KCNH8: variants seen among roughly 807,000 people sequenced by gnomAD.
The protein encoded by KCNH8 is voltage-gated delayed rectifier potassium channel KCNH8.
In KCNH8, 70 loss-of-function variants were observed where a neutral mutation model predicts 103.6. The ratio of observed to expected loss-of-function variants is 0.68; its 90% confidence interval spans 0.56 to 0.82. KCNH8 has a LOEUF of 0.82. Among genes scored for constraint, KCNH8 ranks in the 40% least tolerant of loss-of-function variants. The pLI, the probability that KCNH8 is intolerant of heterozygous loss-of-function variation, is 0.00. For synonymous variants in KCNH8, 498 were observed against 489.4 expected, an observed-to-expected ratio of 1.02 and a Z score of -0.23; for missense variants, 1,217 against 1,329.9, an observed-to-expected ratio of 0.92 and a Z score of 1.32.
intron 1 of KCNH8, among the ~76,000 whole-genome samples, chr3:19,211,941 G>A (rs2063775556): frequency 6.6e-6 from 1 of 152,156 alleles, no homozygotes; most frequent in African/African-American, 2.4e-5. Flanking sequence ...CTGAATTTGG[G>A]AGAACACTGA....
intron 11 of KCNH8, among the ~76,000 whole-genome samples, chr3:19,478,279 C>T (rs1390684156): frequency 6.6e-6 from 1 of 151,730 alleles, no homozygotes; most frequent in African/African-American, 2.4e-5. Flanking sequence ...TAATGATTTC[C>T]TGCCCTCTCG....
intron 1 of KCNH8, among the ~76,000 whole-genome samples, chr3:19,238,565 A>C (rs2064094236): frequency 6.6e-6 from 1 of 152,238 alleles, no homozygotes; most frequent in African/African-American, 2.4e-5. Context: ...CTGAGGAAAT[A>C]CATTTTGCTT....
At chr3:19,231,926 A>G (rs2063999143) in intron 1 of KCNH8, among the ~76,000 whole-genome samples, 1 of 152,180 alleles carries the variant, frequency 6.6e-6, no homozygotes, top group Non-Finnish European at 1.5e-5. Context: ...TGAAATATTA[A>G]ATCAATACAT....
At chr3:19,372,219 C>T (rs1170875697) in intron 5 of KCNH8, among the ~76,000 whole-genome samples, 14 of 152,018 alleles carry the variant, frequency 9.2e-5, no homozygotes, top group Non-Finnish European at 1.8e-4. Context: ...GCCATTTTCA[C>T]GATATTGATT....
chr3:19,338,144 T>C (rs2065610602), intron 3 of KCNH8, among the ~76,000 whole-genome samples: 1 of 152,080 alleles, frequency 6.6e-6, no homozygotes, highest in African/African-American at 2.4e-5. Context: ...GCAAAAATTC[T>C]AGTGTGGCTT....
intron 1 of KCNH8, among the ~76,000 whole-genome samples, chr3:19,191,646 T>C (rs780370581): frequency 2.8e-4 from 42 of 151,738 alleles, no homozygotes; most frequent in Non-Finnish European, 6.1e-4. Context: ...CAATATCTAA[T>C]CAATACACCT....
At chr3:19,190,704 A>T (rs909625281) in intron 1 of KCNH8, among the ~76,000 whole-genome samples, 4 of 151,944 alleles carry the variant, frequency 2.6e-5, no homozygotes, top group Admixed American at 1.3e-4. Context: ...CTGAAGCAAC[A>T]AGTGCGATTG....
At chr3:19,463,935 T>A (rs1364992953) in intron 11 of KCNH8, among the ~76,000 whole-genome samples, 1 of 152,146 alleles carries the variant, frequency 6.6e-6, no homozygotes. Flanking sequence ...ATGTAGGATT[T>A]ATTGACAAGA....
intron 3 of KCNH8, among the ~76,000 whole-genome samples, chr3:19,288,861 TC>T (rs1221238302): frequency 1.3e-5 from 2 of 152,194 alleles, no homozygotes; most frequent in Non-Finnish European, 1.5e-5. Flanking sequence ...GTAAAAGTGT[TC>T]CTCTTTCTCC....
Position 19,419,197 on chromosome 3 carries a change from T to C in KCNH8, c.1178-18967T>C, listed in dbSNP as rs1304038480. 2.6e-3 allele frequency among the ~76,000 whole-genome samples: 345 copies of C among 131,816 alleles called. 9 individuals carry two copies. The highest frequency in any genetic ancestry group is 0.01 in the African/African-American group (333 of 32,564). 86.5% of individuals were successfully genotyped at this position (131,816 alleles called of 152,430 possible). A position where few individuals can be genotyped will look rare whatever the true frequency, so the allele number is the denominator to read the frequency against. On this transcript the variant is annotated intron_variant, in intron 7 of 15. Transcript: ENST00000328405. ...AAGAAGTAATTAAAATGGTTTTGGT[T>C]TTTTTTTTTTTTTTTTTTTTGAGAC...
rs528525022 is a variant in KCNH8 at position 19,259,338 on chromosome 3, T to G, written c.310+5451T>G. 3.9e-5 allele frequency among the ~76,000 whole-genome samples: 6 copies of G among 152,020 alleles called. No homozygotes were observed. In the South Asian group the frequency reaches 1.2e-3, roughly 31 times the overall value. ...CATAAATAAATATTAAATGAAAACATTTGTTTTAAGCTTTTTTTAAATTAG... is the reference window on the plus strand; with the variant it reads ...CATAAATAAATATTAAATGAAAACAGTTGTTTTAAGCTTTTTTTAAATTAG... On this transcript the variant is annotated intron_variant, in intron 2 of 15. Transcript: ENST00000328405.
At chr3:19,424,925 CCT>C (rs2067005289) in intron 7 of KCNH8, among the ~76,000 whole-genome samples, 1 of 151,918 alleles carries the variant, frequency 6.6e-6, no homozygotes, top group Non-Finnish European at 1.5e-5. Context: ...GAACGAACTC[CCT>C]GATTCTAGGA....
intron 3 of KCNH8, among the ~76,000 whole-genome samples, chr3:19,312,173 A>G (rs1299879159): frequency 2.0e-5 from 3 of 151,972 alleles, no homozygotes; most frequent in African/African-American, 7.2e-5. Flanking sequence ...TGTGAATTTG[A>G]TTTAAACTTC....
intron 7 of KCNH8, among the ~76,000 whole-genome samples, chr3:19,429,701 G>C (rs1290025323): frequency 1.3e-5 from 2 of 152,096 alleles, no homozygotes; most frequent in Admixed American, 1.3e-4. Context: ...CCCATTAGTT[G>C]ATTTTTCTGA....
intron 9 of KCNH8, chr3:19,450,583 AT>A: frequency 2.4e-6 from 1 of 419,954 alleles, no homozygotes; most frequent in South Asian, 2.3e-5. Context: ...AAAGGAATCA[AT>A]TCTTACGATA....
At chr3:19,300,823 G>A (rs2065055453) in intron 3 of KCNH8, among the ~76,000 whole-genome samples, 3 of 151,234 alleles carry the variant, frequency 2.0e-5, no homozygotes, top group Admixed American at 2.0e-4. Flanking sequence ...TATTTATTAA[G>A]TAATATTAAT....
chr3:19,498,328 G>A (rs1424523187), intron 11 of KCNH8, among the ~76,000 whole-genome samples: 3 of 152,098 alleles, frequency 2.0e-5, no homozygotes, highest in Admixed American at 1.3e-4. Flanking sequence ...GCTTTATAGT[G>A]TCACTGGTCT....
intron 5 of KCNH8, among the ~76,000 whole-genome samples, chr3:19,354,852 A>C (rs1171141723): frequency 6.6e-6 from 1 of 152,210 alleles, no homozygotes; most frequent in African/African-American, 2.4e-5. Flanking sequence ...CACCAAAAGC[A>C]ATGGCAACAA....
At chr3:19,459,038 T>C (rs950078913) in intron 11 of KCNH8, among the ~76,000 whole-genome samples, 10 of 152,074 alleles carry the variant, frequency 6.6e-5, no homozygotes, top group African/African-American at 2.2e-4. Flanking sequence ...TTGGCTATTA[T>C]GAATAATGCT....
Sources: allele counts gnomAD v4.1 joint callset (sites outside exome capture counted in the v4.1 genomes callset), GRCh38; gene constraint gnomAD v4.1.1; transcripts MANE v1.5; gene names NCBI Gene and HGNC (gene_info 2026-07-23, HGNC 2026-07-21).